The following TSC22D3 variants were observed in gnomAD, a reference collection of about 807,000 sequenced individuals.
TSC22D3 encodes TSC22 domain family member 3.
Under a neutral mutation model 11.1 loss-of-function variants are expected in TSC22D3, and 4 were observed. The observed-to-expected ratio is 0.36, with a 90% CI of 0.18 to 0.83. The LOEUF (loss-of-function observed/expected upper bound fraction) is 0.83, where lower values mean the gene tolerates loss of function less well. Ranked by LOEUF, TSC22D3 falls within the 40% of genes least tolerant of loss-of-function variation. The pLI, the probability that TSC22D3 is intolerant of heterozygous loss-of-function variation, is 0.48. For missense variants in TSC22D3, 118 were observed against 159.4 expected, an observed-to-expected ratio of 0.74 and a Z score of 1.40; for synonymous variants, 77 against 70.3, an observed-to-expected ratio of 1.10 and a Z score of -0.48.
chrX:107,742,326 T>TGCGC (rs1296390794), intron 1 of TSC22D3, among the ~76,000 whole-genome samples: 42 of 47,958 alleles, frequency 8.8e-4, no homozygotes, highest in Admixed American at 1.8e-3. Flanking sequence ...AGAGTGTGTG[T>TGCGC]GCGCGCGCGC....
chrX:107,757,461 G>A (rs1929228492), intron 1 of TSC22D3, among the ~76,000 whole-genome samples: 1 of 112,074 alleles, frequency 8.9e-6, no homozygotes, highest in Non-Finnish European at 1.9e-5. Context: ...TAGTTAGGAG[G>A]AACTTAGCTT....
intron 1 of TSC22D3, among the ~76,000 whole-genome samples, chrX:107,723,051 G>C (rs1356900313): frequency 9.1e-6 from 1 of 110,226 alleles, no homozygotes; most frequent in African/African-American, 3.3e-5. Context: ...GCTTGGGGGT[G>C]CTTGGGTTGG....
intron 2 of TSC22D3, 114 bp downstream of exon 2, chrX:107,715,785 G>T: frequency 1.1e-6 from 1 of 933,137 alleles, no homozygotes; most frequent in Non-Finnish European, 1.5e-6. Context: ...GCAGGCTGTC[G>T]GCTTCCTCAG....
chrX:107,767,704 G>T (rs181749759), intron 1 of TSC22D3, among the ~76,000 whole-genome samples: 86 of 112,097 alleles, frequency 7.7e-4, no homozygotes, highest in Non-Finnish European at 1.2e-3. Flanking sequence ...AACCTAGGTT[G>T]CCCTGAAACT....
At chrX:107,743,217 A>T (rs1241290394) in intron 1 of TSC22D3, among the ~76,000 whole-genome samples, 1 of 112,329 alleles carries the variant, frequency 8.9e-6, no homozygotes, top group East Asian at 2.8e-4. Context: ...GGAACTTTGC[A>T]CCAGCTTCCA....
At chrX:107,716,673 C>A in intron 1 of TSC22D3, 1 of 1,203,658 alleles carries the variant, frequency 8.3e-7, no homozygotes, top group Non-Finnish European at 1.1e-6. Context: ...GGCGCCGGAG[C>A]TGGGGCCAGC....
intron 1 of TSC22D3, among the ~76,000 whole-genome samples, chrX:107,768,770 T>C (rs1456384673): frequency 2.7e-5 from 3 of 112,654 alleles, no homozygotes; most frequent in Non-Finnish European, 3.8e-5. Context: ...AACAAATCCA[T>C]ACAAAGTAGT....
chrX:107,733,017 C>T (rs1238006890), intron 1 of TSC22D3, among the ~76,000 whole-genome samples: 1 of 108,248 alleles, frequency 9.2e-6, no homozygotes, highest in Admixed American at 9.9e-5. Context: ...GAGGACTCCT[C>T]GAGCCCAGGA....
intron 1 of TSC22D3, among the ~76,000 whole-genome samples, chrX:107,765,682 A>ATTTCTTTGTTTTGT (rs1302662791): frequency 4.5e-5 from 5 of 112,056 alleles, no homozygotes; most frequent in African/African-American, 1.6e-4. Flanking sequence ...ATTATTTATT[A>ATTTCTTTGTTTTGT]TTTCTTTGTT....
At chrX:107,716,545 T>TGGGG in intron 1 of TSC22D3, 2 of 796,016 alleles carry the variant, frequency 2.5e-6, no homozygotes, top group Non-Finnish European at 3.0e-6. Context: ...CCTTCCTGCG[T>TGGGG]CCCCTCCCCC....
chrX:107,742,281 A>AGAGAGAGAG (rs1928441990), intron 1 of TSC22D3, among the ~76,000 whole-genome samples: 26 of 56,816 alleles, frequency 4.6e-4, no homozygotes, highest in African/African-American at 1.9e-3. Flanking sequence ...GAGAGAGAGA[A>AGAGAGAGAG]AGAGAGAGAG....
intron 1 of TSC22D3, among the ~76,000 whole-genome samples, chrX:107,743,667 G>A (rs184844724): frequency 2.7e-3 from 302 of 112,322 alleles, no homozygotes; most frequent in African/African-American, 8.2e-3. Context: ...GCTGGGCCAG[G>A]TGGGCATCAC....
At chrX:107,725,166 T>A (rs965456848) in intron 1 of TSC22D3, among the ~76,000 whole-genome samples, 1 of 112,727 alleles carries the variant, frequency 8.9e-6, no homozygotes, top group Non-Finnish European at 1.9e-5. Context: ...TCTTTTCCAA[T>A]GCAAAAAGCC....
intron 1 of TSC22D3, among the ~76,000 whole-genome samples, chrX:107,771,004 G>A (rs1929884146): frequency 3.6e-5 from 4 of 112,308 alleles, no homozygotes. Flanking sequence ...GTTCCAGTTT[G>A]AGCACAGGCA....
At chrX:107,738,591 C>T (rs955263124) in intron 1 of TSC22D3, among the ~76,000 whole-genome samples, 8 of 113,104 alleles carry the variant, frequency 7.1e-5, no homozygotes, top group African/African-American at 9.6e-5. Context: ...TTTTCATGGG[C>T]GAGATGTTTC....
At chrX:107,766,973 G>A (rs892436134) in intron 1 of TSC22D3, among the ~76,000 whole-genome samples, 2 of 111,064 alleles carry the variant, frequency 1.8e-5, no homozygotes, top group African/African-American at 3.3e-5. Context: ...GAGGCTAAAC[G>A]GCAGCGCTGA....
chrX:107,732,067 G>A (rs1414714435), intron 1 of TSC22D3, among the ~76,000 whole-genome samples: 1 of 111,484 alleles, frequency 9.0e-6, no homozygotes, highest in Non-Finnish European at 1.9e-5. Flanking sequence ...GAGCTCTCAA[G>A]CCTCTGCTCA....
intron 1 of TSC22D3, among the ~76,000 whole-genome samples, chrX:107,751,246 C>T (rs1269440062): frequency 9.0e-6 from 1 of 111,670 alleles, no homozygotes; most frequent in East Asian, 2.8e-4. Context: ...AGTCTTTGTC[C>T]CCTTTCTTCT....
At chrX:107,739,883 C>T (rs1037805894) in intron 1 of TSC22D3, among the ~76,000 whole-genome samples, 1 of 112,426 alleles carries the variant, frequency 8.9e-6, no homozygotes, top group Admixed American at 9.4e-5. Flanking sequence ...ATCACATAGT[C>T]AGTCCTATCA....
Sources: allele counts gnomAD v4.1 joint callset (sites outside exome capture counted in the v4.1 genomes callset), GRCh38; gene constraint gnomAD v4.1.1; transcripts MANE v1.5; gene names NCBI Gene and HGNC (gene_info 2026-07-23, HGNC 2026-07-21).